The following SRRM3 variants were observed in gnomAD, a reference collection of about 807,000 sequenced individuals.
SRRM3 encodes serine/arginine repetitive matrix protein 3.
Under a neutral mutation model 66.2 loss-of-function variants are expected in SRRM3, and 27 were observed. That is an observed-to-expected ratio of 0.41 (90% CI 0.30 to 0.56). The LOEUF (loss-of-function observed/expected upper bound fraction) is 0.56. Ranked by LOEUF, SRRM3 falls within the 20% of genes least tolerant of loss-of-function variation. The pLI is 0.32. For missense variants in SRRM3, 918 were observed against 991.9 expected (o/e 0.93, Z 1.00); for synonymous variants, 391 against 414.9 (o/e 0.94, Z 0.70).
chr7:76,240,646 A>G, intron 2 of SRRM3, among the ~76,000 whole-genome samples: 1 of 149,070 alleles, frequency 6.7e-6, no homozygotes, highest in Non-Finnish European at 1.5e-5. Context: ...AACATTTTTC[A>G]CTCTGAGGAA....
At chr7:76,256,812 C>T (rs1468915266) in intron 3 of SRRM3, among the ~76,000 whole-genome samples, 5 of 151,064 alleles carry the variant, frequency 3.3e-5, no homozygotes, top group African/African-American at 9.7e-5. Context: ...TGGGTTCAAG[C>T]GATTCTCCTG....
At chr7:76,251,220 TG>T (rs1442246756) in intron 3 of SRRM3, among the ~76,000 whole-genome samples, 11 of 152,248 alleles carry the variant, frequency 7.2e-5, no homozygotes, top group African/African-American at 2.4e-4. Flanking sequence ...AGACTCTGTC[TG>T]GGTCCACTTT....
At position 76,282,788 on chromosome 7, in the gene SRRM3, C is replaced by A; in HGVS notation, c.1511C>A (p.Ser504Ter). ...CCCCGCTCCTGGAGCTCCAGCCGCT[C>A]GCCCTCCAAATCTCGCTCGCGCTCT... ...PHPRSWSSSR[S>*]PSKSRSRSAE... The change falls in exon 13 of 15, where the codon TCG becomes TAG. Residue 504 changes from serine to a stop codon, truncating the protein, a stop_gained. Coordinates refer to ENST00000611745, the MANE Select transcript of SRRM3 (RefSeq NM_001110199.3). LOFTEE classifies it high-confidence loss of function. The A allele has an allele frequency of 6.8e-7, 1 of 1,466,410 alleles. No individual in the cohort carries two copies. The highest frequency in any genetic ancestry group is 9.0e-7 in the Non-Finnish European group (1 of 1,115,004). The allele number at this position is 1,466,410 out of a possible 1,614,324, so 90.8% of individuals were successfully genotyped here. A position where few individuals can be genotyped will look rare whatever the true frequency, so the allele number is the denominator to read the frequency against.
intron 1 of SRRM3, among the ~76,000 whole-genome samples, chr7:76,227,436 G>A (rs1258908020): frequency 6.6e-6 from 1 of 152,098 alleles, no homozygotes; most frequent in Non-Finnish European, 1.5e-5. Context: ...CAGAGACCCG[G>A]TGTCATCTAA....
At chr7:76,279,245 T>C (rs1006625466) in intron 11 of SRRM3, among the ~76,000 whole-genome samples, 49 of 151,308 alleles carry the variant, frequency 3.2e-4, no homozygotes, top group African/African-American at 1.2e-3. Flanking sequence ...AGAGACAGAG[T>C]GAGATGCCTT....
intron 3 of SRRM3, among the ~76,000 whole-genome samples, chr7:76,257,285 C>T (rs1001493674): frequency 5.3e-5 from 8 of 151,810 alleles, no homozygotes; most frequent in African/African-American, 1.2e-4. Flanking sequence ...GCCAGGTGGA[C>T]AGCACCCAGA....
At chr7:76,212,359 G>T (rs565802306) in intron 1 of SRRM3, among the ~76,000 whole-genome samples, 3 of 148,492 alleles carry the variant, frequency 2.0e-5, no homozygotes, top group African/African-American at 7.5e-5. Context: ...GTTTTGCTAT[G>T]TTGCCCAGGC....
At chr7:76,280,799 G>T (rs919343856) in intron 11 of SRRM3, among the ~76,000 whole-genome samples, 24 of 109,816 alleles carry the variant, frequency 2.2e-4, no homozygotes, top group Non-Finnish European at 3.8e-4. Context: ...CCAACTTCTC[G>T]CTCCTCTTGC....
At chr7:76,248,044 T>G in intron 2 of SRRM3, 144 bp from the exon 3 acceptor site, 1 of 651,314 alleles carries the variant, frequency 1.5e-6, no homozygotes, top group Non-Finnish European at 2.8e-6. Flanking sequence ...AGACCTGGCT[T>G]GATCTGTGAC....
At chr7:76,202,581 C>G (rs547169573) in intron 1 of SRRM3, among the ~76,000 whole-genome samples, 1 of 152,116 alleles carries the variant, frequency 6.6e-6, no homozygotes, top group Non-Finnish European at 1.5e-5. Flanking sequence ...AGAACTGGGT[C>G]TCACAGGATG....
At chr7:76,204,498 G>A (rs972007727) in intron 1 of SRRM3, among the ~76,000 whole-genome samples, 1 of 152,202 alleles carries the variant, frequency 6.6e-6, no homozygotes, top group African/African-American at 2.4e-5. Context: ...ACAGAGCAAG[G>A]TCTTGGTGCA....
intron 1 of SRRM3, among the ~76,000 whole-genome samples, chr7:76,226,519 G>A (rs913089835): frequency 2.0e-5 from 3 of 152,204 alleles, no homozygotes; most frequent in South Asian, 2.1e-4. Flanking sequence ...GTGGGGCCCC[G>A]GCTCCTGGCT....
At chr7:76,275,981 G>A (rs1802339094) in intron 11 of SRRM3, among the ~76,000 whole-genome samples, 1 of 152,132 alleles carries the variant, frequency 6.6e-6, no homozygotes, top group Non-Finnish European at 1.5e-5. Context: ...TGAGGAGGCT[G>A]AGGTGGGGGG....
intron 8 of SRRM3, among the ~76,000 whole-genome samples, chr7:76,263,077 C>T (rs1270032081): frequency 3.3e-5 from 5 of 152,150 alleles, no homozygotes; most frequent in African/African-American, 9.7e-5. Flanking sequence ...TTTCATCTTC[C>T]CCTGGCCTCC....
At chr7:76,208,371 T>C (rs183871288) in intron 1 of SRRM3, among the ~76,000 whole-genome samples, 292 of 151,790 alleles carry the variant, frequency 1.9e-3, no homozygotes, top group African/African-American at 6.8e-3. Context: ...AGGTCCTGGG[T>C]TGGAAAGCAC....
chr7:76,266,711 T>C (rs1391479173), intron 10 of SRRM3, among the ~76,000 whole-genome samples: 1 of 144,538 alleles, frequency 6.9e-6, no homozygotes, highest in East Asian at 1.9e-4. Flanking sequence ...ATTGCTGTGT[T>C]GCCCAGGCTG....
At chr7:76,253,711 G>A (rs1265003113) in intron 3 of SRRM3, among the ~76,000 whole-genome samples, 1 of 151,432 alleles carries the variant, frequency 6.6e-6, no homozygotes, top group African/African-American at 2.4e-5. Context: ...AGCTTCTCGG[G>A]AGGCTGAGGC....
intron 3 of SRRM3, among the ~76,000 whole-genome samples, chr7:76,249,534 G>A (rs1201059138): frequency 6.6e-6 from 1 of 152,226 alleles, no homozygotes; most frequent in East Asian, 1.9e-4. Context: ...GATCAGAGGC[G>A]AACTGTGAAC....
intron 3 of SRRM3, among the ~76,000 whole-genome samples, chr7:76,253,963 T>C (rs1179371242): frequency 6.6e-6 from 1 of 152,004 alleles, no homozygotes; most frequent in Non-Finnish European, 1.5e-5. Context: ...ACAGGTTGTA[T>C]CAGGAGGTTC....
Sources: gnomAD v4.1 joint callset for allele counts (sites outside exome capture counted in the v4.1 genomes callset) on GRCh38, gnomAD v4.1.1 for gene constraint, MANE v1.5 for transcripts, NCBI Gene and HGNC (gene_info 2026-07-23, HGNC 2026-07-21) for gene names.